The following ANKRD36C variants were observed in gnomAD, a reference collection of about 807,000 sequenced individuals.
ANKRD36C encodes ankyrin repeat domain 36C.
Under a neutral mutation model 276.4 loss-of-function variants are expected in ANKRD36C, and 61 were observed. That is an observed-to-expected ratio of 0.22 (90% CI 0.18 to 0.27). The LOEUF is 0.27. ANKRD36C is among the 10% of genes least tolerant of loss of function. The pLI is 1.00. For synonymous variants in ANKRD36C, 483 were observed against 680.1 expected (o/e 0.71, Z 4.51); for missense variants, 1,447 against 2,032.3 (o/e 0.71, Z 5.54).
At chr2:95,863,253 T>C (rs1675622626) in intron 60 of ANKRD36C, among the ~76,000 whole-genome samples, 1 of 152,060 alleles carries the variant, frequency 6.6e-6, no homozygotes, top group Non-Finnish European at 1.5e-5. Context: ...ATTAACAAAT[T>C]CCTTTAAAAA....
At chr2:95,855,874 C>G in exon 63 of ANKRD36C, 1 of 1,613,868 alleles carries the variant, frequency 6.2e-7, no homozygotes, top group Non-Finnish European at 8.5e-7. Flanking sequence ...GATTGCATTT[C>G]TGTTTCCAGT....
chr2:95,913,699 G>T, intron 40 of ANKRD36C, among the ~76,000 whole-genome samples: 1 of 151,368 alleles, frequency 6.6e-6, no homozygotes. Flanking sequence ...GGTCTCCTTA[G>T]TTCTCCTACA....
At chr2:95,874,582 GA>G (rs1227348131) in intron 59 of ANKRD36C, among the ~76,000 whole-genome samples, 2 of 152,214 alleles carry the variant, frequency 1.3e-5, no homozygotes, top group African/African-American at 4.8e-5. Flanking sequence ...AACCCTAGAA[GA>G]AAACCTAGGC....
Position 95,987,760 on chromosome 2 carries a change from T to A in ANKRD36C, c.198-554A>T, listed in dbSNP as rs941405832. 5.9e-5 allele frequency among the ~76,000 whole-genome samples: 9 copies of A among 152,200 alleles called. No individual in the cohort carries two copies. The South Asian group carries it at 1.9e-3, about 32-fold the overall frequency. On this transcript the variant is annotated intron_variant, in intron 1 of 66. Transcript: ENST00000456556. ...CCTCAGCCTCCCGAGTAGCTGGGACTACAGGCGCCCGCTACCGCGCCCGGC... is the reference window on the plus strand; with the variant it reads ...CCTCAGCCTCCCGAGTAGCTGGGACAACAGGCGCCCGCTACCGCGCCCGGC...
intron 17 of ANKRD36C, among the ~76,000 whole-genome samples, chr2:95,947,052 TAA>T (rs1458220978): frequency 1.3e-5 from 2 of 151,402 alleles, no homozygotes; most frequent in Non-Finnish European, 2.9e-5. Context: ...AATAAAAAAA[TAA>T]AAAAAGAGTA....
chr2:95,979,788 A>T (rs1362866518), intron 5 of ANKRD36C, among the ~76,000 whole-genome samples: 3 of 152,182 alleles, frequency 2.0e-5, no homozygotes, highest in East Asian at 3.9e-4. Context: ...AAAAAGGGAC[A>T]CAAAAAATAA....
intron 59 of ANKRD36C, among the ~76,000 whole-genome samples, chr2:95,873,607 CAA>C: frequency 6.6e-6 from 1 of 152,260 alleles, no homozygotes; most frequent in African/African-American, 2.4e-5. Context: ...AAAACTGGCA[CAA>C]GAGGGCACAA....
intron 59 of ANKRD36C, among the ~76,000 whole-genome samples, chr2:95,874,848 C>A (rs1266219849): frequency 1.3e-5 from 2 of 152,208 alleles, no homozygotes; most frequent in Admixed American, 1.3e-4. Context: ...AAACAAACAA[C>A]CCCATCAAAA....
At chr2:95,927,112 G>T in intron 28 of ANKRD36C, 102 bp downstream of exon 28, 1 of 1,503,312 alleles carries the variant, frequency 6.7e-7, no homozygotes. Context: ...TGCTGAATCA[G>T]AATGTGCAGC....
intron 52 of ANKRD36C, 59 bp from the exon 73 acceptor site, chr2:95,884,427 C>G (rs537829623): frequency 1.2e-6 from 2 of 1,607,108 alleles, no homozygotes; most frequent in Non-Finnish European, 1.7e-6. Flanking sequence ...GTTATTCATA[C>G]ATTCATGCAG....
chr2:95,921,837 A>T, intron 32 of ANKRD36C, 27 bp from the exon 33 acceptor site: 1 of 1,582,526 alleles, frequency 6.3e-7, no homozygotes, highest in Non-Finnish European at 8.6e-7. Context: ...ATAATCACTC[A>T]TATGTAAATA....
At chr2:95,968,629 G>A (rs1678640595) in intron 6 of ANKRD36C, among the ~76,000 whole-genome samples, 1 of 152,140 alleles carries the variant, frequency 6.6e-6, no homozygotes, top group Non-Finnish European at 1.5e-5. Flanking sequence ...TTTTTCCCCA[G>A]CAACAAGCAA....
At chr2:95,888,668 C>T (rs1318808138) in intron 48 of ANKRD36C, among the ~76,000 whole-genome samples, 1 of 151,656 alleles carries the variant, frequency 6.6e-6, no homozygotes, top group Non-Finnish European at 1.5e-5. Flanking sequence ...TTGCTGAAAC[C>T]TAGTAGATAA....
chr2:95,975,332 C>A lies in ANKRD36C; in HGVS notation c.799+2790G>T, dbSNP rs540973779. On this transcript the variant is annotated intron_variant, in intron 6 of 66. Transcript: ENST00000456556. ...CCCACATCACCAAGTCAATCCTAAG[C>A]CAAAAGAATAAAGCTGGAGGCATCA... 1.1e-3 allele frequency among the ~76,000 whole-genome samples: 160 copies of A among 152,194 alleles called. 1 individual carries two copies. In the East Asian group the frequency reaches 0.018, roughly 17 times the overall value.
chr2:95,870,085 G>T, intron 59 of ANKRD36C, among the ~76,000 whole-genome samples: 1 of 152,204 alleles, frequency 6.6e-6, no homozygotes, highest in Non-Finnish European at 1.5e-5. Context: ...CTGGGGGCAG[G>T]GCACAGAGAA....
intron 34 of ANKRD36C, 106 bp from the exon 37 acceptor site, chr2:95,918,148 T>G: frequency 6.7e-7 from 1 of 1,492,688 alleles, no homozygotes; most frequent in Non-Finnish European, 9.1e-7. Context: ...CCTGTACTAG[T>G]GTAGGCTCTG....
At chr2:95,893,169 T>A (rs529195474) in intron 44 of ANKRD36C, among the ~76,000 whole-genome samples, 1 of 151,374 alleles carries the variant, frequency 6.6e-6, no homozygotes, top group South Asian at 2.1e-4. Flanking sequence ...TCTGTCTGTT[T>A]TTAGCAGTAC....
intron 22 of ANKRD36C, among the ~76,000 whole-genome samples, chr2:95,937,658 T>A (rs1322274444): frequency 6.6e-6 from 1 of 152,312 alleles, no homozygotes; most frequent in Non-Finnish European, 1.5e-5. Flanking sequence ...AGGTACCAAA[T>A]GATACTTTGG....
intron 6 of ANKRD36C, among the ~76,000 whole-genome samples, chr2:95,966,636 G>C (rs1361984783): frequency 6.6e-6 from 1 of 152,036 alleles, no homozygotes; most frequent in Non-Finnish European, 1.5e-5. Context: ...GGATTGTCTT[G>C]GCTATATGGG....
Sources: gnomAD v4.1 joint callset for allele counts (sites outside exome capture counted in the v4.1 genomes callset) on GRCh38, gnomAD v4.1.1 for gene constraint, MANE v1.5 for transcripts, NCBI Gene and HGNC (gene_info 2026-07-23, HGNC 2026-07-21) for gene names.